The following ZC3H12B variants were observed in gnomAD, a reference collection of about 807,000 sequenced individuals.
ZC3H12B encodes the protein probable ribonuclease ZC3H12B.
Under a neutral mutation model 43.9 loss-of-function variants are expected in ZC3H12B, and 7 were observed. That is an observed-to-expected ratio of 0.16 (90% CI 0.09 to 0.30). ZC3H12B has a LOEUF of 0.30. ZC3H12B is among the 10% of genes least tolerant of loss of function. The pLI is 1.00. For synonymous variants in ZC3H12B, 222 were observed against 241.7 expected (o/e 0.92, Z 0.76); for missense variants, 475 against 670.2 (o/e 0.71, Z 3.22).
At chrX:65,241,862 C>T in the ZC3H12B span, among the ~76,000 whole-genome samples, 1 of 111,535 alleles carries the variant, frequency 9.0e-6, no homozygotes, top group East Asian at 2.8e-4. Flanking sequence ...GTAGAGTGTA[C>T]TGATGGATCT....
chrX:65,228,686 A>C, the ZC3H12B span, among the ~76,000 whole-genome samples: 26,775 of 111,762 alleles, frequency 0.24, 7,624 homozygotes, highest in African/African-American at 0.82. Flanking sequence ...TCAGCAAAGT[A>C]TCAGGATACA....
At chrX:65,282,643 C>A in the ZC3H12B span, among the ~76,000 whole-genome samples, 2 of 111,196 alleles carry the variant, frequency 1.8e-5, no homozygotes, top group African/African-American at 6.5e-5. Flanking sequence ...AAGGGGATAT[C>A]ACCACCGATC....
At chrX:65,295,726 A>G in the ZC3H12B span, among the ~76,000 whole-genome samples, 2 of 111,944 alleles carry the variant, frequency 1.8e-5, no homozygotes, top group Non-Finnish European at 3.8e-5. Context: ...GAGAGAAATT[A>G]CCACTAAAAC....
At chrX:65,073,004 G>A in the ZC3H12B span, among the ~76,000 whole-genome samples, 1 of 112,475 alleles carries the variant, frequency 8.9e-6, no homozygotes, top group Non-Finnish European at 1.9e-5. Flanking sequence ...GGGTGGCAGA[G>A]TGTCCTCTGT....
rs1181371785 is a variant in ZC3H12B at position 65,453,531 on chromosome X, G to C, written n.408-35115G>C. 2.8e-5 allele frequency among the ~76,000 whole-genome samples: 3 copies of C among 105,455 alleles called. No individual in the cohort carries two copies. The Admixed American group carries it at 3.1e-4, about 11-fold the overall frequency. The allele number at this position is 105,455 out of a possible 115,157, so 91.6% of individuals were successfully genotyped here. A position where few individuals can be genotyped will look rare whatever the true frequency, so the allele number is the denominator to read the frequency against. On this transcript the variant is annotated intron_variant and non_coding_transcript_variant, in intron 3 of 5. Coordinates refer to the ZC3H12B transcript ENST00000617377. ...AGATCAGGAGTTCAAGATCGGCCTA[G>C]TCAACATGGTGAAACACTTTCTCTA...
intron 3 of ZC3H12B, among the ~76,000 whole-genome samples, chrX:65,448,975 G>GAAA (rs1217966922): frequency 2.4e-5 from 2 of 83,051 alleles, no homozygotes; most frequent in African/African-American, 1.3e-4. Context: ...AAGAAAGAAA[G>GAAA]AAAGAGAAAG....
chrX:65,423,982 G>T (rs982633878), intron 3 of ZC3H12B, among the ~76,000 whole-genome samples: 2 of 111,597 alleles, frequency 1.8e-5, no homozygotes, highest in African/African-American at 6.5e-5. Context: ...TAGTATGAAG[G>T]GTGTTGAATT....
chrX:65,044,077 A>G, the ZC3H12B span, among the ~76,000 whole-genome samples: 3 of 111,867 alleles, frequency 2.7e-5, no homozygotes, highest in Non-Finnish European at 5.6e-5. Context: ...AATACGTAAT[A>G]TATACCATCA....
intron 2 of ZC3H12B, among the ~76,000 whole-genome samples, chrX:65,385,913 T>C (rs1484553834): frequency 5.3e-5 from 6 of 112,511 alleles, no homozygotes; most frequent in African/African-American, 1.6e-4. Context: ...CATGTGGTTT[T>C]TGTCTTTGGT....
chrX:65,494,783 A>AAAAT (rs59246172), intron 1 of ZC3H12B, among the ~76,000 whole-genome samples: 9,616 of 100,988 alleles, frequency 0.095, 576 homozygotes, highest in African/African-American at 0.16. Context: ...TCTGTCCCAA[A>AAAAT]AAATAAATAA....
chrX:65,200,859 T>C, the ZC3H12B span, among the ~76,000 whole-genome samples: 2 of 111,859 alleles, frequency 1.8e-5, no homozygotes, highest in East Asian at 5.6e-4. Flanking sequence ...TATGTGTGTA[T>C]TGAACCAACC....
At chrX:65,149,793 AT>A in the ZC3H12B span, among the ~76,000 whole-genome samples, 2 of 103,806 alleles carry the variant, frequency 1.9e-5, no homozygotes, top group Non-Finnish European at 3.9e-5. Context: ...AATAATAATA[AT>A]AATAATAATA....
At chrX:65,350,868 C>T in the ZC3H12B span, among the ~76,000 whole-genome samples, 9 of 111,770 alleles carry the variant, frequency 8.1e-5, no homozygotes, top group Non-Finnish European at 1.5e-4. Context: ...TAGAAAGAAT[C>T]AATATCATGA....
the ZC3H12B span, among the ~76,000 whole-genome samples, chrX:65,270,287 A>T: frequency 8.9e-6 from 1 of 112,090 alleles, no homozygotes. Context: ...TGAGGAAAGG[A>T]GAGTGTTTTC....
intron 3 of ZC3H12B, among the ~76,000 whole-genome samples, chrX:65,437,286 C>T (rs1250626074): frequency 9.0e-6 from 1 of 111,475 alleles, no homozygotes; most frequent in African/African-American, 3.3e-5. Flanking sequence ...ATTAACCATC[C>T]CCACTCCCCT....
At chrX:65,331,945 T>G in the ZC3H12B span, among the ~76,000 whole-genome samples, 1 of 111,276 alleles carries the variant, frequency 9.0e-6, no homozygotes, top group African/African-American at 3.3e-5. Context: ...GCCGTCTTAA[T>G]TTTGGTGGGT....
chrX:65,374,152 G>C (rs1159029388), intron 2 of ZC3H12B, among the ~76,000 whole-genome samples: 2 of 74,664 alleles, frequency 2.7e-5, no homozygotes, highest in East Asian at 7.9e-4. Context: ...TATATATACA[G>C]TGTATATATA....
At chrX:65,153,896 A>G in the ZC3H12B span, among the ~76,000 whole-genome samples, 1 of 111,269 alleles carries the variant, frequency 9.0e-6, no homozygotes, top group East Asian at 2.8e-4. Flanking sequence ...AATACTATGC[A>G]GCCATAAAAA....
chrX:65,155,251 T>C, the ZC3H12B span, among the ~76,000 whole-genome samples: 1 of 110,462 alleles, frequency 9.1e-6, no homozygotes, highest in Admixed American at 9.8e-5. Flanking sequence ...ATCCACTGAG[T>C]CTGGCCTGCT....
Sources: gnomAD v4.1 joint callset for allele counts (sites outside exome capture counted in the v4.1 genomes callset) on GRCh38, gnomAD v4.1.1 for gene constraint, MANE v1.5 for transcripts, NCBI Gene and HGNC (gene_info 2026-07-23, HGNC 2026-07-21) for gene names.